The following SMARCA2 variants were observed in gnomAD, a reference collection of about 807,000 sequenced individuals.
The protein encoded by SMARCA2 is SWI/SNF-related matrix-associated actin-dependent regulator of chromatin subfamily A member 2.
In SMARCA2, 61 loss-of-function variants were observed where a neutral mutation model predicts 199.8. That is an observed-to-expected ratio of 0.31 (90% CI 0.25 to 0.38). The LOEUF is 0.38. Ranked by LOEUF, SMARCA2 falls within the 10% of genes least tolerant of loss-of-function variation. The pLI, the probability that SMARCA2 is intolerant of heterozygous loss-of-function variation, is 1.00. For synonymous variants in SMARCA2, 935 were observed against 732.0 expected (o/e 1.28, Z -4.48); for missense variants, 1,344 against 2,012.2 (o/e 0.67, Z 6.35).
intron 26 of SMARCA2, among the ~76,000 whole-genome samples, chr9:2,122,126 A>G (rs1326091596): frequency 6.6e-6 from 1 of 152,194 alleles, no homozygotes; most frequent in East Asian, 1.9e-4. Context: ...GAAAAAAGAA[A>G]CAAGTGCATA....
chr9:2,182,528 C>A (rs1236828822), intron 31 of SMARCA2, among the ~76,000 whole-genome samples: 1 of 124,950 alleles, frequency 8.0e-6, no homozygotes, highest in Non-Finnish European at 1.6e-5. Context: ...CAGAATTTCA[C>A]TGTCTCCCAG....
At chr9:2,064,823 T>C (rs1820757033) in intron 9 of SMARCA2, among the ~76,000 whole-genome samples, 1 of 152,212 alleles carries the variant, frequency 6.6e-6, no homozygotes. Context: ...CACAGTACTT[T>C]AGGGTACATT....
At chr9:2,064,797 A>T (rs1820756155) in intron 9 of SMARCA2, among the ~76,000 whole-genome samples, 2 of 152,192 alleles carry the variant, frequency 1.3e-5, no homozygotes, top group Admixed American at 1.3e-4. Flanking sequence ...GTTCCTGGCG[A>T]TTATGAGGCA....
rs1359689757 is a variant in SMARCA2, at chr9:2,104,361, T to A, written c.3292+192T>A. Among the ~76,000 whole-genome samples, 1 of 152,178 alleles carries A rather than the reference T, an allele frequency of 6.6e-6. No homozygotes were observed. Among genetic ancestry groups the A allele is most frequent in the Admixed American group, 6.5e-5 (1 of 15,276 alleles). On this transcript the variant is annotated intron_variant, in intron 23 of 33. Coordinates refer to ENST00000349721, the MANE Select transcript of SMARCA2 (RefSeq NM_003070.5). The surrounding 1 kb of genome is among the most constrained non-coding windows in gnomAD (Gnocchi z 4.0). Reference sequence around the variant, plus strand: ...AATAAGCTGACCTCATTTGTGCAGCTGCATAGCCCACAAATAAACCAACAC... The same window carrying A: ...AATAAGCTGACCTCATTTGTGCAGCAGCATAGCCCACAAATAAACCAACAC...
chr9:2,100,103 G>A, intron 21 of SMARCA2, among the ~76,000 whole-genome samples: 1 of 152,216 alleles, frequency 6.6e-6, no homozygotes, highest in South Asian at 2.1e-4. Flanking sequence ...GATCCAGGGA[G>A]GAGGGAAAGC....
intron 14 of SMARCA2, among the ~76,000 whole-genome samples, chr9:2,081,468 C>G (rs1304827227): frequency 6.6e-6 from 1 of 152,186 alleles, no homozygotes; most frequent in African/African-American, 2.4e-5. Flanking sequence ...ATCTGTGTGC[C>G]AAATCTGCCT....
chr9:2,189,323 C>T (rs559472813), intron 32 of SMARCA2, among the ~76,000 whole-genome samples: 138 of 152,204 alleles, frequency 9.1e-4, no homozygotes, highest in African/African-American at 3.1e-3. Flanking sequence ...CATAGTCTGT[C>T]AGGTGGGTTT....
At chr9:2,069,696 A>G (rs1821007969) in intron 9 of SMARCA2, among the ~76,000 whole-genome samples, 2 of 152,224 alleles carry the variant, frequency 1.3e-5, no homozygotes, top group Admixed American at 1.3e-4. Flanking sequence ...ACATCCAGGG[A>G]ACTCATAAAG....
chr9:2,112,009 T>C (rs1481866758), intron 24 of SMARCA2, among the ~76,000 whole-genome samples: 1 of 152,242 alleles, frequency 6.6e-6, no homozygotes, highest in Non-Finnish European at 1.5e-5. Context: ...TCAGGAAATA[T>C]GGTTACGTAT....
chr9:2,092,729 C>T lies in SMARCA2; in HGVS notation c.2884-3928C>T, dbSNP rs557563949. Among the ~76,000 whole-genome samples, 8 of 152,322 alleles carry T rather than the reference C, an allele frequency of 5.3e-5. No homozygotes were observed. In the South Asian group the frequency reaches 1.7e-3, roughly 32 times the overall value. ...ATAATTACCAGATACATGAGGTCAG[C>T]ACCTCAGTTTTACATATGATTTAAA... On this transcript the variant is annotated intron_variant, in intron 19 of 33. Transcript: ENST00000349721.
intron 24 of SMARCA2, among the ~76,000 whole-genome samples, chr9:2,111,041 G>GTTTTTTTTTTTTT (rs371262213): frequency 3.4e-5 from 5 of 147,846 alleles, no homozygotes; most frequent in African/African-American, 5.0e-5. Flanking sequence ...GTACTTTGAT[G>GTTTTTTTTTTTTT]TTTTGTTTTT....
Position 2,016,037 on chromosome 9 carries a change from C to T in SMARCA2, c.-37+633C>T, listed in dbSNP as rs1268043208. On this transcript the variant is annotated intron_variant, in intron 1 of 33. Transcript: ENST00000349721. This position sits in a 1 kb window ranked among gnomAD's most constrained non-coding sequence, Gnocchi z 5.6. ...CAACGGACGCTGTTGCCACCCGCTT[C>T]CCAGGGACTTGTTCAAAGGGCTCCG... The T allele has an allele frequency of 2.0e-5, 3 of 152,382 alleles. No individual in the cohort carries two copies. The highest frequency in any genetic ancestry group is 2.9e-5 in the Non-Finnish European group (2 of 68,208). The allele number at this position is 152,382 out of a possible 1,614,324, so 9.4% of individuals were successfully genotyped here. A position where few individuals can be genotyped will look rare whatever the true frequency, so the allele number is the denominator to read the frequency against.
chr9:2,078,422 A>G (rs1383979230), intron 14 of SMARCA2, among the ~76,000 whole-genome samples: 1 of 152,088 alleles, frequency 6.6e-6, no homozygotes, highest in African/African-American at 2.4e-5. Flanking sequence ...CAGTGAGCCA[A>G]GATCTTAGCA....
chr9:2,077,916 T>C, intron 14 of SMARCA2, 140 bp downstream of exon 14: 4 of 718,572 alleles, frequency 5.6e-6, no homozygotes, highest in Non-Finnish European at 9.3e-6. Flanking sequence ...GTTCCTTTCA[T>C]TGTGCCTATG....
At position 2,039,793 on chromosome 9, in the gene SMARCA2, A is replaced by AGCAGCAGCC. The variant is rs1554615520; in HGVS notation, c.691_692insCGCAGCAGC (p.Gln230_Gln231insProGlnGln). On this transcript the variant is annotated inframe_insertion, in exon 4 of 34. Coordinates refer to ENST00000349721, the MANE Select transcript of SMARCA2 (RefSeq NM_003070.5). The surrounding 1 kb of genome is among the most constrained non-coding windows in gnomAD (Gnocchi z 4.8). The stretch of plus-strand genomic sequence containing the variant: ...CAGCAGCAACAGCAGCAGCAGCAGC[A>AGCAGCAGCC]GCAGCAGCAGCAGCAGCAGCAGCAA... 9 of 1,595,742 alleles carry AGCAGCAGCC rather than the reference A, an allele frequency of 5.6e-6. No homozygotes were observed. The African/African-American group carries it at 8.1e-5, about 14-fold the overall frequency.
chr9:2,098,098 C>G (rs2130531451), intron 21 of SMARCA2, among the ~76,000 whole-genome samples: 1 of 152,292 alleles, frequency 6.6e-6, no homozygotes, highest in African/African-American at 2.4e-5. Flanking sequence ...GTGTTTCACC[C>G]CAGTGGGCAC....
rs752120491 is a variant in SMARCA2, at chr9:2,119,410, C to T, written c.3685-48C>T. On this transcript the variant is annotated intron_variant, in intron 25 of 33. Transcript: ENST00000349721. This position sits in a 1 kb window ranked among gnomAD's most constrained non-coding sequence, Gnocchi z 4.6. ...GGACAGATCACTTACTTGTTTGTAC[C>T]TTGCCCCAGCTGTCCACTGGTTAAA... 15 of 1,278,340 alleles carry T rather than the reference C, an allele frequency of 1.2e-5. No homozygotes were observed. The highest frequency in any genetic ancestry group is 1.4e-5 in the Non-Finnish European group (12 of 874,146). The allele number at this position is 1,278,340 out of a possible 1,614,324, so 79.2% of individuals were successfully genotyped here. A position where few individuals can be genotyped will look rare whatever the true frequency, so the allele number is the denominator to read the frequency against.
intron 1 of SMARCA2, among the ~76,000 whole-genome samples, chr9:2,020,756 T>G (rs557847701): frequency 1.6e-3 from 244 of 152,322 alleles, no homozygotes; most frequent in Non-Finnish European, 2.9e-3. Flanking sequence ...CAAAGATGCT[T>G]GAATAATTGT....
chr9:2,129,102 G>C (rs6475513), intron 27 of SMARCA2, among the ~76,000 whole-genome samples: 1 of 151,868 alleles, frequency 6.6e-6, no homozygotes, highest in Non-Finnish European at 1.5e-5. Flanking sequence ...CAACGGATTC[G>C]GATTGATTAT....
Sources: gnomAD v4.1 joint callset for allele counts (sites outside exome capture counted in the v4.1 genomes callset) on GRCh38, gnomAD v4.1.1 for gene constraint, Gnocchi (gnomAD v3.1) non-coding constraint, MANE v1.5 for transcripts, NCBI Gene and HGNC (gene_info 2026-07-23, HGNC 2026-07-21) for gene names.